The following SEMA6D variants were observed in gnomAD, a reference collection of about 807,000 sequenced individuals.
SEMA6D encodes the protein semaphorin-6D.
In SEMA6D, 35 loss-of-function variants were observed where a neutral mutation model predicts 106.6. That is an observed-to-expected ratio of 0.33 (90% CI 0.25 to 0.44). SEMA6D has a LOEUF of 0.44. Among genes scored for constraint, SEMA6D ranks in the 20% least tolerant of loss-of-function variants. The pLI, the probability that SEMA6D is intolerant of heterozygous loss-of-function variation, is 1.00. For missense variants in SEMA6D, 1,185 were observed against 1,345.9 expected, an observed-to-expected ratio of 0.88 and a Z score of 1.87; for synonymous variants, 499 against 487.7, an observed-to-expected ratio of 1.02 and a Z score of -0.31.
At chr15:47,306,138 T>C (rs1196818030) in intron 1 of SEMA6D, among the ~76,000 whole-genome samples, 1 of 151,914 alleles carries the variant, frequency 6.6e-6, no homozygotes, top group Admixed American at 6.6e-5. Flanking sequence ...CACACCACCA[T>C]GCCCAACTAA....
At chr15:47,199,497 A>G (rs919167900) in intron 1 of SEMA6D, among the ~76,000 whole-genome samples, 1 of 152,166 alleles carries the variant, frequency 6.6e-6, no homozygotes, top group African/African-American at 2.4e-5. Flanking sequence ...TTTACTTGGA[A>G]TATGTTTTAG....
chr15:47,591,086 C>A (rs937957309), intron 3 of SEMA6D, among the ~76,000 whole-genome samples: 2 of 152,118 alleles, frequency 1.3e-5, no homozygotes, highest in Non-Finnish European at 2.9e-5. Flanking sequence ...TAGGGAAGTT[C>A]AAGGTCAAGG....
intron 1 of SEMA6D, among the ~76,000 whole-genome samples, chr15:47,196,829 T>C (rs552099464): frequency 1.3e-5 from 2 of 152,316 alleles, no homozygotes; most frequent in African/African-American, 4.8e-5. Context: ...CATCCATTTA[T>C]TCTCAATATA....
chr15:47,687,066 CAAA>C (rs369941348), intron 4 of SEMA6D, among the ~76,000 whole-genome samples: 6 of 121,006 alleles, frequency 5.0e-5, no homozygotes, highest in Admixed American at 8.5e-5. Context: ...ACCCTGTATC[CAAA>C]AAAAAAAAAA....
At chr15:47,246,124 A>T (rs1053746964) in intron 1 of SEMA6D, among the ~76,000 whole-genome samples, 4 of 152,154 alleles carry the variant, frequency 2.6e-5, no homozygotes, top group African/African-American at 9.7e-5. Context: ...CCTAGCAGGG[A>T]ACAAATTTAC....
Position 47,184,590 on chromosome 15 carries a change from G to A in SEMA6D, c.-239+172G>A, listed in dbSNP as rs1047991077. ...GCGGCCGGCGCAGAGACCCGACCGC[G>A]AGGCCCGCCGCCCGGTTCCCGTGCG... On this transcript the variant is annotated intron_variant, in intron 1 of 19. Coordinates refer to the SEMA6D transcript ENST00000558014. Among the ~76,000 whole-genome samples the A allele has an allele frequency of 1.3e-5, 2 of 152,274 alleles. 1 individual carries two copies. The highest frequency in any genetic ancestry group is 4.1e-4 in the South Asian group (2 of 4,832).
At chr15:47,249,615 T>C (rs1187433205) in intron 1 of SEMA6D, among the ~76,000 whole-genome samples, 1 of 152,086 alleles carries the variant, frequency 6.6e-6, no homozygotes, top group African/African-American at 2.4e-5. Flanking sequence ...GGCTGTGGAC[T>C]AGGAGCCTAA....
chr15:47,771,632 T>C lies in SEMA6D; in HGVS notation c.3069T>C (p.Pro1023=). Reference sequence around the variant, plus strand: ...CACCAGTGAGTGTTCATCTGCAGCCTTCCCTCTCCAGACAGAGCAGCTACA... The same window carrying C: ...CACCAGTGAGTGTTCATCTGCAGCCCTCCCTCTCCAGACAGAGCAGCTACA... ...QGTPVSVHLQ[P]SLSRQSSYTS... The change falls in exon 19 of 19, where the codon CCT becomes CCC. Residue 1023 remains proline, a synonymous_variant. Coordinates refer to ENST00000536845, the MANE Select transcript of SEMA6D (RefSeq NM_001358351.3). 1 of 1,614,150 alleles carries C rather than the reference T, an allele frequency of 6.2e-7. No homozygotes were observed. The highest frequency in any genetic ancestry group is 8.5e-7 in the Non-Finnish European group (1 of 1,179,980).
chr15:47,759,864 C>G lies in SEMA6D; in HGVS notation c.66C>G (p.Ser22Arg). 6.2e-7 allele frequency: 1 copy of G among 1,613,774 alleles called. No individual in the cohort carries two copies. Residue 22 changes from serine (S) to arginine (R), a missense_variant, in exon 2 of 19, where the codon AGC (serine) becomes AGG (arginine). Physicochemically the swap from Ser to Arg is moderately radical, Grantham distance 110. Coordinates refer to ENST00000536845, the MANE Select transcript of SEMA6D (RefSeq NM_001358351.3). The part of the protein sequence containing the change: ...LLMVSQLRAV[S>R]FPEDDEPLNT... ...TGGTTTCCCAGTTGAGGGCAGTCAG[C>G]TTTCCTGAAGATGATGAACCCCTTA...
intron 1 of SEMA6D, among the ~76,000 whole-genome samples, chr15:47,275,863 C>T (rs1384299708): frequency 6.6e-6 from 1 of 152,084 alleles, no homozygotes; most frequent in African/African-American, 2.4e-5. Flanking sequence ...AGCAAGGCCT[C>T]TTGTACCAGT....
At chr15:47,566,045 A>G (rs545483606) in intron 3 of SEMA6D, among the ~76,000 whole-genome samples, 3 of 152,246 alleles carry the variant, frequency 2.0e-5, no homozygotes, top group Non-Finnish European at 2.9e-5. Flanking sequence ...CTTCACAGTT[A>G]CTTTCCTAGC....
chr15:47,699,124 G>A (rs926369447), intron 4 of SEMA6D, among the ~76,000 whole-genome samples: 8 of 152,090 alleles, frequency 5.3e-5, no homozygotes, highest in African/African-American at 1.9e-4. Flanking sequence ...GTCTAGTAAG[G>A]ACAAGAAGGG....
chr15:47,579,330 C>T (rs1415072179), intron 3 of SEMA6D, among the ~76,000 whole-genome samples: 2 of 151,516 alleles, frequency 1.3e-5, no homozygotes, highest in African/African-American at 2.4e-5. Flanking sequence ...TTAGTAGAGA[C>T]GGGGTTTCTC....
intron 2 of SEMA6D, among the ~76,000 whole-genome samples, chr15:47,425,707 GTTACCCGGGC>G (rs1420320985): frequency 7.1e-6 from 1 of 140,780 alleles, no homozygotes; most frequent in Non-Finnish European, 1.5e-5. Flanking sequence ...GTTTCACTCT[GTTACCCGGGC>G]TGGAGTGCGG....
intron 3 of SEMA6D, among the ~76,000 whole-genome samples, chr15:47,589,369 A>T (rs374569395): frequency 1.3e-5 from 2 of 152,380 alleles, no homozygotes; most frequent in African/African-American, 4.8e-5. Context: ...GGGCAGAAAC[A>T]GTCTGGCTCC....
Position 47,343,230 on chromosome 15 carries a change from C to T in SEMA6D, c.-238-69163C>T, listed in dbSNP as rs895274930. Among the ~76,000 whole-genome samples the T allele has an allele frequency of 9.1e-5, 11 of 121,252 alleles. 1 individual carries two copies. The highest frequency in any genetic ancestry group is 4.5e-4 in the East Asian group (2 of 4,482). The allele number at this position is 121,252 out of a possible 152,430, so 79.5% of individuals were successfully genotyped here. On this transcript the variant is annotated intron_variant, in intron 1 of 19. Coordinates refer to the SEMA6D transcript ENST00000558014. ...TATACACAATTCTTTTTTAAAAAAA[C>T]GATGGATTAGTTGGATTTTTATTAT...
At chr15:47,318,505 A>C (rs2036785220) in intron 1 of SEMA6D, among the ~76,000 whole-genome samples, 1 of 146,610 alleles carries the variant, frequency 6.8e-6, no homozygotes, top group Non-Finnish European at 1.5e-5. Context: ...CCTATAAGTG[A>C]GAATATGCGA....
intron 3 of SEMA6D, among the ~76,000 whole-genome samples, chr15:47,508,403 A>G (rs2141727685): frequency 6.6e-6 from 1 of 152,352 alleles, no homozygotes; most frequent in East Asian, 1.9e-4. Flanking sequence ...GGCTGGGGAT[A>G]AGGTCAAGTG....
At chr15:47,252,229 G>T (rs893836405) in intron 1 of SEMA6D, among the ~76,000 whole-genome samples, 2 of 152,070 alleles carry the variant, frequency 1.3e-5, no homozygotes, top group Non-Finnish European at 2.9e-5. Flanking sequence ...TTATTATTGA[G>T]TGTTGCGATT....
Sources: allele counts gnomAD v4.1 joint callset (sites outside exome capture counted in the v4.1 genomes callset), GRCh38; gene constraint gnomAD v4.1.1; transcripts MANE v1.5; gene names NCBI Gene and HGNC (gene_info 2026-07-23, HGNC 2026-07-21).